Variants in NAV2 observed in about 807,000 individuals in gnomAD.
NAV2 encodes the protein helicase, APC down-regulated 1.
NAV2 carries 54 observed loss-of-function variants against 223.2 expected under a neutral mutation model. The ratio of observed to expected loss-of-function variants is 0.24; its 90% CI spans 0.19 to 0.30. The LOEUF is 0.30. Ranked by LOEUF, NAV2 falls within the 10% of genes least tolerant of loss-of-function variation. The pLI is 1.00. For missense variants in NAV2, 2,806 were observed against 3,147.5 expected (o/e 0.89, Z 2.60); for synonymous variants, 1,279 against 1,239.3 (o/e 1.03, Z -0.67).
chr11:19,505,241 G>A lies in NAV2; in HGVS notation c.75+154214G>A, dbSNP rs12418870. 0.32 allele frequency: 48,244 copies of A among 152,126 alleles called. 8,547 individuals carry two copies. The highest frequency in any genetic ancestry group is 0.4 in the South Asian group (1,927 of 4,820). The allele number at this position is 152,126 out of a possible 1,614,324, so 9.4% of individuals were successfully genotyped here. ...TTGGAATGCAGAAAGCCACATACCT[G>A]AGACTGCCATTAGGACATTCTCTGT... On this transcript the variant is annotated intron_variant, in intron 1 of 37. Coordinates refer to the NAV2 transcript ENST00000360655.
chr11:20,041,909 A>G (rs2056951659), intron 12 of NAV2, among the ~76,000 whole-genome samples: 1 of 152,170 alleles, frequency 6.6e-6, no homozygotes, highest in Non-Finnish European at 1.5e-5. Context: ...AATTAGGTCA[A>G]TGTCTATATT....
chr11:19,633,066 G>C (rs532868076), intron 1 of NAV2, among the ~76,000 whole-genome samples: 1 of 152,062 alleles, frequency 6.6e-6, no homozygotes, highest in South Asian at 2.1e-4. Flanking sequence ...TAAGCTCCTG[G>C]GGGTGGGAGC....
intron 1 of NAV2, among the ~76,000 whole-genome samples, chr11:19,593,133 A>T (rs2046109022): frequency 6.6e-6 from 1 of 152,094 alleles, no homozygotes; most frequent in Non-Finnish European, 1.5e-5. Flanking sequence ...CTTCAGAGTC[A>T]TACCCACCCC....
intron 1 of NAV2, among the ~76,000 whole-genome samples, chr11:19,719,362 TG>T (rs976291584): frequency 2.4e-4 from 37 of 152,306 alleles, no homozygotes; most frequent in African/African-American, 8.7e-4. Context: ...GGTTATCACT[TG>T]GAGGCAGTTT....
At chr11:19,531,665 C>T (rs567800602) in intron 1 of NAV2, among the ~76,000 whole-genome samples, 4 of 152,248 alleles carry the variant, frequency 2.6e-5, no homozygotes, top group African/African-American at 9.6e-5. Context: ...CAAATGGACT[C>T]ATTTGTGTTT....
At chr11:19,633,638 C>T (rs963689992) in intron 1 of NAV2, among the ~76,000 whole-genome samples, 2 of 152,268 alleles carry the variant, frequency 1.3e-5, no homozygotes, top group African/African-American at 4.8e-5. Flanking sequence ...TTCCTTCACT[C>T]TCCCCATGTT....
intron 1 of NAV2, among the ~76,000 whole-genome samples, chr11:19,717,380 G>C (rs922393228): frequency 2.9e-4 from 44 of 152,348 alleles, no homozygotes; most frequent in African/African-American, 9.6e-4. Flanking sequence ...GGGTATCCAA[G>C]GTGCTCAAAG....
intron 1 of NAV2, among the ~76,000 whole-genome samples, chr11:19,515,386 A>C (rs2043413955): frequency 6.6e-6 from 1 of 152,202 alleles, no homozygotes; most frequent in Non-Finnish European, 1.5e-5. Context: ...TGTCCTCTAC[A>C]TCAACCATGT....
chr11:20,020,301 T>G (rs1033099449), intron 11 of NAV2, among the ~76,000 whole-genome samples: 3 of 152,220 alleles, frequency 2.0e-5, no homozygotes, highest in African/African-American at 7.2e-5. Context: ...CCTGGAAACC[T>G]TAACATCACT....
chr11:19,800,672 GGTGTGTGT>G (rs142402876), intron 1 of NAV2, among the ~76,000 whole-genome samples: 1,572 of 145,952 alleles, frequency 0.011, 26 homozygotes, highest in African/African-American at 0.037. Flanking sequence ...AAGGAGAATG[GGTGTGTGT>G]GTGTGTGTGT....
chr11:20,081,463 A>G (rs996297594), intron 25 of NAV2, among the ~76,000 whole-genome samples: 1 of 152,226 alleles, frequency 6.6e-6, no homozygotes, highest in Non-Finnish European at 1.5e-5. Context: ...CAGTCAAATC[A>G]GGGAAGATGG....
intron 1 of NAV2, among the ~76,000 whole-genome samples, chr11:19,482,074 T>C (rs760420787): frequency 5.9e-5 from 9 of 152,276 alleles, no homozygotes; most frequent in Non-Finnish European, 1.3e-4. Context: ...TATGTGTTTG[T>C]AATTTTAAAT....
intron 1 of NAV2, among the ~76,000 whole-genome samples, chr11:19,767,750 A>G (rs1341829769): frequency 6.6e-6 from 1 of 152,184 alleles, no homozygotes; most frequent in Non-Finnish European, 1.5e-5. Flanking sequence ...AATTTGCCCC[A>G]AGTCACATAT....
intron 1 of NAV2, among the ~76,000 whole-genome samples, chr11:19,551,413 G>C (rs964814094): frequency 1.1e-4 from 17 of 152,200 alleles, no homozygotes; most frequent in Admixed American, 9.2e-4. Context: ...ACATCCCCTG[G>C]GTTCCACGGC....
chr11:19,402,624 C>A (rs924625089), intron 1 of NAV2, among the ~76,000 whole-genome samples: 2 of 152,284 alleles, frequency 1.3e-5, no homozygotes, highest in Non-Finnish European at 2.9e-5. Flanking sequence ...TCCCCAGTAC[C>A]TGGAACAACC....
At chr11:19,911,516 G>A (rs1335580318) in intron 6 of NAV2, among the ~76,000 whole-genome samples, 2 of 152,190 alleles carry the variant, frequency 1.3e-5, no homozygotes, top group Admixed American at 1.3e-4. Flanking sequence ...TCCAAGTTTT[G>A]TGAGGGCAGG....
chr11:19,394,568 C>T (rs1342779157), intron 1 of NAV2, among the ~76,000 whole-genome samples: 3 of 152,108 alleles, frequency 2.0e-5, no homozygotes, highest in Non-Finnish European at 4.4e-5. Flanking sequence ...GGAGTGACAG[C>T]AGTAATGATA....
chr11:19,770,994 T>C (rs1262832125), intron 1 of NAV2, among the ~76,000 whole-genome samples: 1 of 152,166 alleles, frequency 6.6e-6, no homozygotes, highest in Non-Finnish European at 1.5e-5. Flanking sequence ...ATTCATTACA[T>C]TTTTGATGGT....
intron 1 of NAV2, among the ~76,000 whole-genome samples, chr11:19,673,554 C>A (rs2048627245): frequency 6.6e-6 from 1 of 152,238 alleles, no homozygotes; most frequent in South Asian, 2.1e-4. Context: ...TGGCACTATA[C>A]TCTACAATAA....
Sources: gnomAD v4.1 joint callset for allele counts (sites outside exome capture counted in the v4.1 genomes callset) on GRCh38, gnomAD v4.1.1 for gene constraint, MANE v1.5 for transcripts, NCBI Gene and HGNC (gene_info 2026-07-23, HGNC 2026-07-21) for gene names.